The following ACSBG2 variants were observed in gnomAD, a reference collection of about 807,000 sequenced individuals.
ACSBG2 encodes the protein acyl-CoA synthetase bubblegum family member 2, also known as long-chain-fatty-acid--CoA ligase ACSBG2.
ACSBG2 carries 62 observed loss-of-function variants against 74.7 expected under a neutral mutation model. The observed-to-expected ratio is 0.83, with a 90% CI of 0.68 to 1.03. ACSBG2 has a LOEUF of 1.03. ACSBG2 is among the 50% of genes least tolerant of loss of function. ACSBG2 has a pLI of 0.00. For synonymous variants in ACSBG2, 309 were observed against 294.1 expected (o/e 1.05, Z -0.52); for missense variants, 730 against 817.6 (o/e 0.89, Z 1.31).
chr19:6,159,811 A>G (rs940476265), intron 5 of ACSBG2, among the ~76,000 whole-genome samples: 1 of 151,884 alleles, frequency 6.6e-6, no homozygotes, highest in African/African-American at 2.4e-5. Context: ...CCCCTCCCCT[A>G]TCATACTCTC....
chr19:6,186,573 A>C (rs2090414720), intron 11 of ACSBG2, among the ~76,000 whole-genome samples: 1 of 152,220 alleles, frequency 6.6e-6, no homozygotes, highest in African/African-American at 2.4e-5. Context: ...TAAAAAGCAA[A>C]ACTGTTGACT....
At chr19:6,156,265 A>G (rs571318725) in intron 4 of ACSBG2, among the ~76,000 whole-genome samples, 166 bp from the exon 5 acceptor site, 6 of 152,236 alleles carry the variant, frequency 3.9e-5, no homozygotes, top group African/African-American at 1.4e-4. Flanking sequence ...CATCATTGTC[A>G]TTTTTGTTGT....
intron 7 of ACSBG2, among the ~76,000 whole-genome samples, chr19:6,173,975 C>T (rs916401346): frequency 2.0e-5 from 3 of 147,176 alleles, no homozygotes; most frequent in South Asian, 4.3e-4. Context: ...TCTGCTCTGT[C>T]GCTCAGGTTG....
At chr19:6,156,407 C>T (rs1447684159) in intron 4 of ACSBG2, 24 bp from the exon 5 acceptor site, 19 of 1,577,108 alleles carry the variant, frequency 1.2e-5, no homozygotes, top group East Asian at 1.2e-4. Context: ...TGGATGCACA[C>T]ACGAATTTGT....
intron 7 of ACSBG2, chr19:6,175,322 G>A (rs1341798785): frequency 6.6e-6 from 1 of 152,122 alleles, no homozygotes; most frequent in African/African-American, 2.4e-5. Context: ...TATGTACTGG[G>A]GAATATTCCA....
rs776866310 is a variant in ACSBG2, at chr19:6,141,572, G to T, written c.29G>T (p.Gly10Val). 1.2e-6 allele frequency: 2 copies of T among 1,612,280 alleles called. No individual in the cohort carries two copies. The highest frequency in any genetic ancestry group is 2.2e-5 in the South Asian group (2 of 91,056). The change falls in exon 2 of 15, where the codon GGA (glycine) becomes GTA (valine). Residue 10 changes from glycine (G) to valine (V), a missense_variant. Coordinates refer to ENST00000588485, the MANE Select transcript of ACSBG2 (RefSeq NM_030924.5). ...ACTGGAACCCCAAAGACTCAAGAAG[G>T]AGCTAAAGATCTTGAAGTAGACATG... The part of the protein sequence containing the change: MTGTPKTQE[G>V]AKDLEVDMNK...
intron 8 of ACSBG2, among the ~76,000 whole-genome samples, chr19:6,179,567 G>T (rs1209506100): frequency 6.6e-6 from 1 of 152,072 alleles, no homozygotes; most frequent in African/African-American, 2.4e-5. Flanking sequence ...TTAGTTTCCT[G>T]TTAATGCCAC....
chr19:6,146,338 C>T (rs959638863), intron 2 of ACSBG2, among the ~76,000 whole-genome samples: 41 of 151,856 alleles, frequency 2.7e-4, no homozygotes, highest in African/African-American at 9.4e-4. Flanking sequence ...GATGTGGTGG[C>T]GGGTGCCTGT....
At chr19:6,153,701 A>T (rs1008768172) in intron 4 of ACSBG2, among the ~76,000 whole-genome samples, 11 of 152,044 alleles carry the variant, frequency 7.2e-5, no homozygotes, top group Admixed American at 7.2e-4. Flanking sequence ...TTTTAAAATT[A>T]GCCAGGCATG....
intron 1 of ACSBG2, 51 bp from the exon 2 acceptor site, chr19:6,141,462 C>T (rs2088829426): frequency 1.1e-6 from 1 of 915,506 alleles, no homozygotes. Context: ...GGCCTCATCC[C>T]TACAGCCCCT....
At chr19:6,162,782 T>C (rs2089669736) in intron 6 of ACSBG2, among the ~76,000 whole-genome samples, 1 of 151,916 alleles carries the variant, frequency 6.6e-6, no homozygotes, top group Non-Finnish European at 1.5e-5. Context: ...ATTGCTGGCC[T>C]CCACTCACTG....
At chr19:6,171,418 C>T (rs2089962237) in intron 7 of ACSBG2, among the ~76,000 whole-genome samples, 1 of 152,102 alleles carries the variant, frequency 6.6e-6, no homozygotes, top group Non-Finnish European at 1.5e-5. Flanking sequence ...CTAGTGATGA[C>T]AAATTCCTTT....
intron 5 of ACSBG2, among the ~76,000 whole-genome samples, chr19:6,157,190 C>T (rs865805283): frequency 4.0e-4 from 61 of 152,274 alleles, no homozygotes; most frequent in Middle Eastern, 3.4e-3. Context: ...CCTCGTGATC[C>T]GCCCGCCTTG....
At chr19:6,149,553 G>C (rs1351648698) in intron 3 of ACSBG2, among the ~76,000 whole-genome samples, 1 of 150,162 alleles carries the variant, frequency 6.7e-6, no homozygotes, top group African/African-American at 2.5e-5. Flanking sequence ...TGTTGCCCAG[G>C]CTGGAGTGCA....
intron 6 of ACSBG2, among the ~76,000 whole-genome samples, chr19:6,164,576 G>A (rs1174107452): frequency 2.0e-5 from 3 of 152,166 alleles, no homozygotes; most frequent in Non-Finnish European, 2.9e-5. Flanking sequence ...GGGATTACAG[G>A]CGCCTGCCAC....
At chr19:6,160,404 AG>A (rs757431872) in intron 5 of ACSBG2, among the ~76,000 whole-genome samples, 7,909 of 145,178 alleles carry the variant, frequency 0.054, 628 homozygotes, top group African/African-American at 0.16. Flanking sequence ...AAAAAAAAAA[AG>A]AAAGAAAGAA....
chr19:6,162,230 C>T (rs1189205359), intron 6 of ACSBG2, among the ~76,000 whole-genome samples: 3 of 141,350 alleles, frequency 2.1e-5, no homozygotes, highest in African/African-American at 7.9e-5. Flanking sequence ...CACACCACTG[C>T]ACTCCAGCCT....
chr19:6,176,982 C>T (rs1362329767), intron 7 of ACSBG2, among the ~76,000 whole-genome samples: 2 of 151,424 alleles, frequency 1.3e-5, no homozygotes, highest in Non-Finnish European at 2.9e-5. Flanking sequence ...ATAGTGAGAC[C>T]CCCTCTCTAC....
chr19:6,186,066 T>TG, intron 11 of ACSBG2, among the ~76,000 whole-genome samples: 1 of 151,958 alleles, frequency 6.6e-6, no homozygotes, highest in Non-Finnish European at 1.5e-5. Context: ...TACTTTTTTT[T>TG]TTTTTTAACT....
Sources: gnomAD v4.1 joint callset for allele counts (sites outside exome capture counted in the v4.1 genomes callset) on GRCh38, gnomAD v4.1.1 for gene constraint, MANE v1.5 for transcripts, NCBI Gene and HGNC (gene_info 2026-07-23, HGNC 2026-07-21) for gene names.